FGF13: variants seen among roughly 807,000 people sequenced by gnomAD.
FGF13 encodes fibroblast growth factor homologous factor 2.
Under a neutral mutation model 19.5 loss-of-function variants are expected in FGF13, and 2 were observed. The observed-to-expected ratio is 0.10, with a 90% CI of 0.04 to 0.32. The LOEUF (loss-of-function observed/expected upper bound fraction) is 0.32. FGF13 is among the 10% of genes least tolerant of loss of function. The pLI is 1.00. For missense variants in FGF13, 113 were observed against 192.7 expected, an observed-to-expected ratio of 0.59 and a Z score of 2.45; for synonymous variants, 72 against 76.9, an observed-to-expected ratio of 0.94 and a Z score of 0.33.
At chrX:139,128,807 G>C (rs2083737778) in intron 1 of FGF13, among the ~76,000 whole-genome samples, 2 of 111,409 alleles carry the variant, frequency 1.8e-5, no homozygotes, top group South Asian at 7.6e-4. Flanking sequence ...AGATAGAGTG[G>C]TGCTCTCTGG....
chrX:139,109,933 A>G (rs1440578427), intron 1 of FGF13, among the ~76,000 whole-genome samples: 1 of 111,420 alleles, frequency 9.0e-6, no homozygotes, highest in Non-Finnish European at 1.9e-5. Context: ...CCTATTTTCA[A>G]TTAATTCACC....
chrX:138,935,010 G>A (rs1443851354), intron 1 of FGF13, among the ~76,000 whole-genome samples: 2 of 111,486 alleles, frequency 1.8e-5, no homozygotes, highest in East Asian at 5.7e-4. Context: ...CCTCAGGAGG[G>A]CACCCCAAAG....
chrX:138,893,543 C>T (rs2091488199), intron 1 of FGF13, among the ~76,000 whole-genome samples: 1 of 110,966 alleles, frequency 9.0e-6, no homozygotes, highest in African/African-American at 3.3e-5. Flanking sequence ...GGTATGACCA[C>T]TCAGATGCTT....
In FGF13 at chrX:139,098,999, G is replaced by A. The variant is rs757375205; in HGVS notation, c.-113+104417C>T. On this transcript the variant is annotated intron_variant, in intron 1 of 2. Coordinates refer to the FGF13 transcript ENST00000421460. ...GAGTTAGCAACCTTTGCCACAGAGC[G>A]TCATTCCTGACAGCCTGCTCCCTCT... Among the ~76,000 whole-genome samples, 76 of 111,568 alleles carry A rather than the reference G, an allele frequency of 6.8e-4. 1 individual carries two copies. Among genetic ancestry groups the A allele is most frequent in the African/African-American group, 2.1e-3 (66 of 30,715 alleles).
intron 3 of FGF13, among the ~76,000 whole-genome samples, chrX:138,659,753 T>C (rs2089471286): frequency 8.9e-6 from 1 of 111,850 alleles, no homozygotes; most frequent in Admixed American, 9.5e-5. Context: ...TTCATGTCCT[T>C]TGCAGGGACA....
At chrX:139,177,721 T>C (rs2084200711) in intron 1 of FGF13, among the ~76,000 whole-genome samples, 1 of 111,317 alleles carries the variant, frequency 9.0e-6, no homozygotes, top group African/African-American at 3.3e-5. Context: ...TCAGCCCTTT[T>C]CCAGGGGAGT....
chrX:139,016,992 A>C (rs2092156037), intron 1 of FGF13, among the ~76,000 whole-genome samples: 1 of 110,544 alleles, frequency 9.0e-6, no homozygotes, highest in African/African-American at 3.3e-5. Context: ...CTCTGTGGTA[A>C]ATAGCTTCAG....
At position 138,629,250 on chromosome X, in the gene FGF13, A is replaced by G. The variant is rs1216482446; in HGVS notation, c.*3600T>C. On this transcript the variant is annotated 3_prime_UTR_variant, in exon 5 of 5. Coordinates refer to ENST00000315930, the MANE Select transcript of FGF13 (RefSeq NM_004114.5). ...CATGAAAATGTGGCTTTGTGGCCCA[A>G]TAAGTTTGTCTCAGCATTTGTAAAA... 8.9e-6 allele frequency: 1 copy of G among 112,564 alleles called. No homozygotes were observed. Among genetic ancestry groups the G allele is most frequent in the Non-Finnish European group, 1.9e-5 (1 of 53,310 alleles). The allele number at this position is 112,564 out of a possible 1,213,427, so 9.3% of individuals were successfully genotyped here.
intron 3 of FGF13, among the ~76,000 whole-genome samples, chrX:138,810,208 A>G (rs1408024537): frequency 8.9e-6 from 1 of 112,186 alleles, no homozygotes; most frequent in Non-Finnish European, 1.9e-5. Flanking sequence ...ACAAGGCTAC[A>G]ATAACCAAAA....
chrX:139,154,905 A>T (rs1280903703), intron 1 of FGF13, among the ~76,000 whole-genome samples: 4 of 112,087 alleles, frequency 3.6e-5, no homozygotes, highest in African/African-American at 1.3e-4. Context: ...TTTTTAAAAA[A>T]ATATTTAATA....
intron 1 of FGF13, among the ~76,000 whole-genome samples, chrX:139,040,391 A>G (rs2124402675): frequency 8.9e-6 from 1 of 112,297 alleles, no homozygotes; most frequent in African/African-American, 3.2e-5. Flanking sequence ...GTGTAAGGGG[A>G]GAGGAGGTTA....
rs183127867 is a variant in FGF13 at position 139,044,187 on chromosome X, T to C, written c.-113+159229A>G. ...TTTTGCATTGCTATAAATAAATACC[T>C]AAGACTGGGTAATTTACAAAGAAAA... On this transcript the variant is annotated intron_variant, in intron 1 of 2. Coordinates refer to the FGF13 transcript ENST00000421460. Among the ~76,000 whole-genome samples the C allele has an allele frequency of 2.3e-3, 253 of 112,134 alleles. 4 individuals carry two copies. The highest frequency in any genetic ancestry group is 7.6e-3 in the African/African-American group (235 of 30,740).
In FGF13 at chrX:138,813,733, C is replaced by T. The variant is rs189988762; in HGVS notation, c.217+43779G>A. On this transcript the variant is annotated intron_variant, in intron 3 of 6. Coordinates refer to the FGF13 transcript ENST00000436198. ...CTTTTAAGACTCAGTGCAGAATTTT[C>T]TCCACTTGTTGAGTTTAGGTTGATC... 5.9e-3 allele frequency among the ~76,000 whole-genome samples: 659 copies of T among 112,006 alleles called. 5 individuals are homozygous for T. Among genetic ancestry groups the T allele is most frequent in the African/African-American group, 0.02 (615 of 30,940 alleles).
At chrX:138,852,155 A>C (rs1054263091) in intron 3 of FGF13, among the ~76,000 whole-genome samples, 1 of 112,208 alleles carries the variant, frequency 8.9e-6, no homozygotes, top group Non-Finnish European at 1.9e-5. Context: ...AGTAATTTAT[A>C]GATTCAATGC....
At chrX:138,897,727 C>G (rs1160289819) in intron 1 of FGF13, among the ~76,000 whole-genome samples, 1 of 111,524 alleles carries the variant, frequency 9.0e-6, no homozygotes, top group Non-Finnish European at 1.9e-5. Context: ...GTTCACACCA[C>G]CAAACTACTA....
At chrX:139,076,178 T>C (rs1165170718) in intron 1 of FGF13, among the ~76,000 whole-genome samples, 1 of 111,357 alleles carries the variant, frequency 9.0e-6, no homozygotes, top group Non-Finnish European at 1.9e-5. Flanking sequence ...AGTTCCCCAT[T>C]AGCAAGAACA....
intron 1 of FGF13, among the ~76,000 whole-genome samples, chrX:139,186,341 T>C (rs762928332): frequency 8.9e-6 from 1 of 111,768 alleles, no homozygotes; most frequent in Non-Finnish European, 1.9e-5. Context: ...GTAAATGAGA[T>C]ATCATTGTAC....
rs142367716 is a variant in FGF13, at chrX:139,023,713, G to A, written c.-112-159063C>T. Reference sequence around the variant, plus strand: ...TGAAATACTATACTGAATATCATGCGGTAGAAGATTATTGATGACGTCATC... The same window carrying A: ...TGAAATACTATACTGAATATCATGCAGTAGAAGATTATTGATGACGTCATC... On this transcript the variant is annotated intron_variant, in intron 1 of 2. Coordinates refer to the FGF13 transcript ENST00000421460. Among the ~76,000 whole-genome samples the A allele has an allele frequency of 9.6e-3, 1,062 of 110,910 alleles. 10 individuals carry two copies. Among genetic ancestry groups the A allele is most frequent in the African/African-American group, 0.032 (981 of 30,574 alleles).
intron 1 of FGF13, among the ~76,000 whole-genome samples, chrX:138,931,496 T>C (rs898733512): frequency 3.6e-5 from 4 of 111,961 alleles, no homozygotes; most frequent in African/African-American, 1.3e-4. Context: ...ATCAAAACGA[T>C]GAACTAACAC....
Sources: gnomAD v4.1 joint callset for allele counts (sites outside exome capture counted in the v4.1 genomes callset) on GRCh38, gnomAD v4.1.1 for gene constraint, MANE v1.5 for transcripts, NCBI Gene and HGNC (gene_info 2026-07-23, HGNC 2026-07-21) for gene names.